The following SYN2 variants were observed in gnomAD, a reference collection of about 807,000 sequenced individuals.
SYN2 encodes the protein synapsin II.
In SYN2, 19 loss-of-function variants were observed where a neutral mutation model predicts 50.9. That is an observed-to-expected ratio of 0.37 (90% CI 0.26 to 0.55). SYN2 has a LOEUF of 0.55. Ranked by LOEUF, SYN2 falls within the 20% of genes least tolerant of loss-of-function variation. The pLI, the probability that SYN2 is intolerant of heterozygous loss-of-function variation, is 0.81. For synonymous variants in SYN2, 255 were observed against 224.9 expected (o/e 1.13, Z -1.20); for missense variants, 587 against 576.4 (o/e 1.02, Z -0.19).
At chr3:12,033,337 G>T (rs1261702800) in intron 1 of SYN2, among the ~76,000 whole-genome samples, 1 of 152,230 alleles carries the variant, frequency 6.6e-6, no homozygotes, top group South Asian at 2.1e-4. Flanking sequence ...CACGCTGGGA[G>T]CTGTAGACCG....
At chr3:12,127,406 T>G (rs1696693812) in intron 1 of SYN2, among the ~76,000 whole-genome samples, 8 of 152,182 alleles carry the variant, frequency 5.3e-5, no homozygotes, top group Non-Finnish European at 8.8e-5. Flanking sequence ...TTGGTCAACT[T>G]TCTGTCTTTA....
At chr3:12,129,422 C>T (rs1382885948) in intron 1 of SYN2, among the ~76,000 whole-genome samples, 1 of 152,180 alleles carries the variant, frequency 6.6e-6, no homozygotes, top group African/African-American at 2.4e-5. Flanking sequence ...CAAGTTCAGA[C>T]AGCAAGTAGA....
chr3:12,108,275 C>G (rs1299441723), intron 1 of SYN2, among the ~76,000 whole-genome samples: 2 of 152,172 alleles, frequency 1.3e-5, no homozygotes, highest in Non-Finnish European at 2.9e-5. Flanking sequence ...TTAGAAGTAG[C>G]TTATGACAAT....
At chr3:12,136,521 C>G (rs1383113818) in intron 1 of SYN2, among the ~76,000 whole-genome samples, 1 of 152,158 alleles carries the variant, frequency 6.6e-6, no homozygotes, top group Non-Finnish European at 1.5e-5. Flanking sequence ...TCTCCATTAT[C>G]CAATGCATAA....
At chr3:12,186,778 G>A (rs1698349417) in intron 11 of SYN2, among the ~76,000 whole-genome samples, 1 of 152,180 alleles carries the variant, frequency 6.6e-6, no homozygotes, top group Admixed American at 6.5e-5. Context: ...ATAAGGTACG[G>A]AATACTTTTT....
intron 10 of SYN2, among the ~76,000 whole-genome samples, chr3:12,180,985 A>T (rs1165742559): frequency 1.3e-5 from 2 of 152,238 alleles, no homozygotes; most frequent in South Asian, 4.1e-4. Context: ...GCATTCATCC[A>T]GTCAATCTCA....
intron 11 of SYN2, chr3:12,184,556 C>T: frequency 2.0e-6 from 2 of 985,906 alleles, no homozygotes; most frequent in Non-Finnish European, 2.4e-6. Context: ...AGGTTGACTC[C>T]TGCTTCAGTT....
Position 12,168,468 on chromosome 3 carries a change from A to G in SYN2, c.1148A>G (p.Tyr383Cys). ...KAVHGKDGKD[Y>C]IFEVMDCSMP... ...GTACATGGCAAAGATGGGAAAGACTACATTTTTGAGGTAAGTCTGGACCAA... is the reference window on the plus strand; with the variant it reads ...GTACATGGCAAAGATGGGAAAGACTGCATTTTTGAGGTAAGTCTGGACCAA... The change falls in exon 9 of 13, where the codon TAC becomes TGC. Residue 383 changes from tyrosine to cysteine, a missense_variant. Physicochemically the swap from Tyr to Cys is radical, Grantham distance 194. Transcript: ENST00000621198. 2 of 1,613,656 alleles carry G rather than the reference A, an allele frequency of 1.2e-6. No individual in the cohort carries two copies. Among genetic ancestry groups the G allele is most frequent in the South Asian group, 1.1e-5 (1 of 91,006 alleles).
chr3:12,107,129 T>C (rs1574944192), intron 1 of SYN2, among the ~76,000 whole-genome samples: 1 of 152,128 alleles, frequency 6.6e-6, no homozygotes, highest in East Asian at 1.9e-4. Flanking sequence ...GCATACTATT[T>C]CATATAATCA....
intron 1 of SYN2, among the ~76,000 whole-genome samples, chr3:12,103,599 T>A (rs1696120574): frequency 6.6e-6 from 1 of 152,192 alleles, no homozygotes; most frequent in South Asian, 2.1e-4. Flanking sequence ...TCCCAGGTGA[T>A]TCATATTTAC....
chr3:12,015,920 T>A (rs369375500), intron 1 of SYN2, among the ~76,000 whole-genome samples: 2 of 152,242 alleles, frequency 1.3e-5, no homozygotes, highest in East Asian at 3.8e-4. Context: ...CTCTTATCTC[T>A]TTCTCTGTTC....
Position 12,190,736 on chromosome 3 carries a change from C to T in SYN2, c.*111C>T, listed in dbSNP as rs1331116150. 2 of 1,494,088 alleles carry T rather than the reference C, an allele frequency of 1.3e-6. No homozygotes were observed. Among genetic ancestry groups the T allele is most frequent in the African/African-American group, 1.4e-5 (1 of 71,310 alleles). 92.6% of individuals were successfully genotyped at this position (1,494,088 alleles called of 1,614,324 possible). On this transcript the variant is annotated 3_prime_UTR_variant, in exon 13 of 13. Transcript: ENST00000621198. The stretch of plus-strand genomic sequence containing the variant: ...GTCCCATGACCTTGACGTGTGTGGT[C>T]CCTTCCTCTGCTCTGTTGTACTAAG...
intron 1 of SYN2, among the ~76,000 whole-genome samples, chr3:12,059,206 G>A (rs527531168): frequency 3.3e-5 from 5 of 152,310 alleles, no homozygotes; most frequent in African/African-American, 1.2e-4. Context: ...ATGGTGTATA[G>A]GTAAGGGTTT....
chr3:12,006,811 T>G (rs1392212323), intron 1 of SYN2, among the ~76,000 whole-genome samples: 1 of 152,240 alleles, frequency 6.6e-6, no homozygotes, highest in Admixed American at 6.5e-5. Context: ...GACTAGTGTT[T>G]CAGGCAGTCA....
rs1004604073 is a variant in SYN2, at chr3:12,158,743, G to T, written c.775-2803G>T. The T allele has an allele frequency of 6.2e-6, 10 of 1,609,052 alleles. No individual in the cohort carries two copies. The highest frequency in any genetic ancestry group is 8.5e-6 in the Non-Finnish European group (10 of 1,179,672). ...GATGTGCTGCTGAGGGTGCGCCGGG[G>T]CGCAGCTGCATGCCTCACCCAGCCC... is the stretch of plus-strand genomic sequence containing the variant. On this transcript the variant is annotated intron_variant, in intron 5 of 12. Coordinates refer to ENST00000621198, the MANE Select transcript of SYN2 (RefSeq NM_133625.6).
At chr3:12,185,514 C>T in intron 11 of SYN2, 1 of 985,856 alleles carries the variant, frequency 1.0e-6, no homozygotes, top group Non-Finnish European at 1.2e-6. Context: ...AGGCAGCATG[C>T]TTAGGGACAA....
At chr3:12,139,490 G>C (rs1195240982) in intron 1 of SYN2, among the ~76,000 whole-genome samples, 3 of 152,144 alleles carry the variant, frequency 2.0e-5, no homozygotes, top group Non-Finnish European at 4.4e-5. Flanking sequence ...GTGAATACTG[G>C]CTCTGCCACT....
At chr3:12,019,220 C>A (rs181280398) in intron 1 of SYN2, among the ~76,000 whole-genome samples, 12 of 152,276 alleles carry the variant, frequency 7.9e-5, no homozygotes, top group Non-Finnish European at 1.6e-4. Flanking sequence ...TGGTTGGAGA[C>A]TACAAGACTG....
rs559647527 is a variant in SYN2 at position 12,124,155 on chromosome 3, G to C, written c.378-16496G>C. Among the ~76,000 whole-genome samples the C allele has an allele frequency of 3.3e-5, 5 of 152,056 alleles. No individual in the cohort carries two copies. The South Asian group carries it at 1.0e-3, about 32-fold the overall frequency. On this transcript the variant is annotated intron_variant, in intron 1 of 12. Transcript: ENST00000621198. ...AAATCAAAATTGAGCAAAAAATGTT[G>C]GTAAACCTATGGGTAAATCTAAAGC...
Sources: gnomAD v4.1 joint callset for allele counts (sites outside exome capture counted in the v4.1 genomes callset) on GRCh38, gnomAD v4.1.1 for gene constraint, MANE v1.5 for transcripts, NCBI Gene and HGNC (gene_info 2026-07-23, HGNC 2026-07-21) for gene names.